Variants in TNFSF13 observed in about 807,000 individuals in gnomAD.
TNFSF13 encodes the protein tumor necrosis factor ligand superfamily member 13.
Under a neutral mutation model 30.7 loss-of-function variants are expected in TNFSF13, and 18 were observed. The ratio of observed to expected loss-of-function variants is 0.59; its 90% CI spans 0.41 to 0.87. TNFSF13 has a LOEUF of 0.87. Among genes scored for constraint, TNFSF13 ranks in the 40% least tolerant of loss-of-function variants. The pLI is 0.00. For missense variants in TNFSF13, 286 were observed against 308.8 expected (o/e 0.93, Z 0.55); for synonymous variants, 116 against 123.2 (o/e 0.94, Z 0.39).
At chr17:7,560,535 GTAGCAGTGCAGGGAGCTACCGC>G in intron 5 of TNFSF13, 47 bp downstream of exon 5, 1 of 1,613,158 alleles carries the variant, frequency 6.2e-7, no homozygotes, top group Non-Finnish European at 8.5e-7. Context: ...CTGACCGGGG[GTAGCAGTGCAGGGAGCTACCGC>G]TAGGAGGGAG....
chr17:7,560,641 C>T (rs1017314937), intron 5 of TNFSF13, 83 bp from the exon 6 acceptor site: 1 of 1,611,842 alleles, frequency 6.2e-7, no homozygotes, highest in South Asian at 1.1e-5. Context: ...GGCAGAGGAA[C>T]GGTGGAGCTG....
At chr17:7,558,648 C>A, upstream of TNFSF13, 1 of 157,182 alleles carries the variant, frequency 6.4e-6, no homozygotes, top group Non-Finnish European at 1.4e-5. The surrounding 1 kb of genome is among the most constrained non-coding windows in gnomAD (Gnocchi z 4.3). Flanking sequence ...AGCTTGGCCC[C>A]CCATCCTGCT....
rs914365082 is a variant in TNFSF13 at position 7,559,521 on chromosome 17, C to A, written c.259-103C>A. ...ACACTCAGGGTGCTGGGAAAAGGTGCGTGAGAGATCTGAGGCATCTCGGGG... is the reference window on the plus strand; with the variant it reads ...ACACTCAGGGTGCTGGGAAAAGGTGAGTGAGAGATCTGAGGCATCTCGGGG... On this transcript the variant is annotated intron_variant, in intron 1 of 5. Transcript: ENST00000338784. The surrounding 1 kb of genome is among the most constrained non-coding windows in gnomAD (Gnocchi z 5.4). 6.1e-6 allele frequency: 9 copies of A among 1,470,048 alleles called. No individual in the cohort carries two copies. Among genetic ancestry groups the A allele is most frequent in the South Asian group, 1.3e-5 (1 of 77,780 alleles). The allele number at this position is 1,470,048 out of a possible 1,614,324, so 91.1% of individuals were successfully genotyped here.
Position 7,559,769 on chromosome 17 carries a change from C to T in TNFSF13, c.337+67C>T. On this transcript the variant is annotated intron_variant, in intron 2 of 5. Coordinates refer to ENST00000338784, the MANE Select transcript of TNFSF13 (RefSeq NM_003808.4). This position sits in a 1 kb window ranked among gnomAD's most constrained non-coding sequence, Gnocchi z 5.4. ...CAGCGTGGGGATTGTAAGCCCGAGT[C>T]AGGGTGAGGGTGGAGGCTGCCAACA... The T allele has an allele frequency of 3.7e-6, 6 of 1,613,844 alleles. No individual in the cohort carries two copies. Among genetic ancestry groups the T allele is most frequent in the Non-Finnish European group, 5.1e-6 (6 of 1,179,896 alleles).
In TNFSF13 at chr17:7,559,705, G is replaced by A; in HGVS notation, c.337+3G>A. ...AGTGCTCACCCAAAAACAGAAGAGT[G>A]AGGCTTCCAGGGTGCAGCAGGGGTG... is the stretch of plus-strand genomic sequence containing the variant. On this transcript the variant is annotated splice_donor_region_variant and intron_variant, in intron 2 of 5. Coordinates refer to ENST00000338784, the MANE Select transcript of TNFSF13 (RefSeq NM_003808.4). This position sits in a 1 kb window ranked among gnomAD's most constrained non-coding sequence, Gnocchi z 5.4. The A allele has an allele frequency of 6.2e-7, 1 of 1,613,886 alleles. No homozygotes were observed. The highest frequency in any genetic ancestry group is 8.5e-7 in the Non-Finnish European group (1 of 1,179,946).
At chr17:7,560,201 G>A (rs1433582556) in intron 4 of TNFSF13, 34 bp downstream of exon 4, 7 of 1,613,380 alleles carry the variant, frequency 4.3e-6, no homozygotes, top group Admixed American at 3.3e-5. Flanking sequence ...TTCACAGAGG[G>A]CCTCTTTGGC....
rs190038454 is a variant in TNFSF13 at position 7,558,812 on chromosome 17, G to A, written c.-228G>A. On this transcript the variant is annotated 5_prime_UTR_variant, in exon 1 of 6. Transcript: ENST00000338784. The surrounding 1 kb of genome is among the most constrained non-coding windows in gnomAD (Gnocchi z 4.3). ...CCTAATTCTCCTGAGGCTGAGGGAG[G>A]GTGGAGGGTCTCAAGGCAACGCTGG... The A allele has an allele frequency of 1.2e-5, 5 of 404,356 alleles. No homozygotes were observed. In the Admixed American group the frequency reaches 1.3e-4, roughly 10 times the overall value. The allele number at this position is 404,356 out of a possible 1,614,324, so 25.0% of individuals were successfully genotyped here. A position where few individuals can be genotyped will look rare whatever the true frequency, so the allele number is the denominator to read the frequency against.
rs2071150977 is a variant in TNFSF13 at position 7,559,885 on chromosome 17, C to T, written c.377C>T (p.Thr126Ile). The T allele has an allele frequency of 1.9e-6, 3 of 1,614,022 alleles. No homozygotes were observed. Among genetic ancestry groups the T allele is most frequent in the Non-Finnish European group, 2.5e-6 (3 of 1,180,036 alleles). Residue 126 changes from threonine (T) to isoleucine (I), a missense_variant, in exon 3 of 6, where the codon ACC becomes ATC. Transcript: ENST00000338784. The surrounding 1 kb of genome is among the most constrained non-coding windows in gnomAD (Gnocchi z 5.4). Reference protein sequence around the residue: ...SVLHLVPINATSKDDSDVTEV... With the variant: ...SVLHLVPINAISKDDSDVTEV... ...CTGCACCTGGTTCCCATTAACGCCA[C>T]CTCCAAGGGTGAGCACTATTTTAAA...
Position 7,559,221 on chromosome 17 carries a change from A to G in TNFSF13, c.182A>G (p.Glu61Gly). The change falls in exon 1 of 6, where the codon GAG becomes GGG. Residue 61 changes from glutamate (E) to glycine (G), a missense_variant. Physicochemically the swap from Glu to Gly is moderately conservative, Grantham distance 98 (BLOSUM62 -2). Coordinates refer to ENST00000338784, the MANE Select transcript of TNFSF13 (RefSeq NM_003808.4). The surrounding 1 kb of genome is among the most constrained non-coding windows in gnomAD (Gnocchi z 5.4). ...ACAGAGCTGCAGAGCCTCAGGAGAG[A>G]GGTGAGCCGGCTGCAGGGGACAGGA... is the stretch of plus-strand genomic sequence containing the variant. ...QQTELQSLRREVSRLQGTGGP... is the reference protein window; with the variant it reads ...QQTELQSLRRGVSRLQGTGGP... 1 of 1,611,418 alleles carries G rather than the reference A, an allele frequency of 6.2e-7. No homozygotes were observed. The highest frequency in any genetic ancestry group is 8.5e-7 in the Non-Finnish European group (1 of 1,179,572).
In TNFSF13 at chr17:7,560,183, C is replaced by T; in HGVS notation, c.504+16C>T. On this transcript the variant is annotated intron_variant, in intron 4 of 5. Coordinates refer to ENST00000338784, the MANE Select transcript of TNFSF13 (RefSeq NM_003808.4). The stretch of plus-strand genomic sequence containing the variant: ...GTATAGCCAGGTAACCCCAGCCACA[C>T]TCTGAGCTTCACAGAGGGCCTCTTT... 1.9e-6 allele frequency: 3 copies of T among 1,613,926 alleles called. No individual in the cohort carries two copies. The highest frequency in any genetic ancestry group is 2.5e-6 in the Non-Finnish European group (3 of 1,179,936).
chr17:7,558,459 G>C (rs994425781), upstream of TNFSF13: 1 of 152,124 alleles, frequency 6.6e-6, no homozygotes, highest in African/African-American at 2.4e-5. The surrounding 1 kb of genome is among the most constrained non-coding windows in gnomAD (Gnocchi z 4.3). Flanking sequence ...CAACACACCC[G>C]GCCCAGCCTT....
chr17:7,560,227 C>G, intron 4 of TNFSF13, 60 bp downstream of exon 4: 1 of 1,612,210 alleles, frequency 6.2e-7, no homozygotes, highest in Admixed American at 1.7e-5. Context: ...ACTGAGGGTT[C>G]CTGACCCCTC....
chr17:7,559,276 C>G lies in TNFSF13; in HGVS notation c.237C>G (p.Pro79=), dbSNP rs753077240. 6.2e-7 allele frequency: 1 copy of G among 1,606,484 alleles called. No homozygotes were observed. The highest frequency in any genetic ancestry group is 1.7e-5 in the Admixed American group (1 of 59,376). The change falls in exon 1 of 6, where the codon CCC becomes CCG. Residue 79 remains proline (P), a synonymous_variant. Transcript: ENST00000338784. The surrounding 1 kb of genome is among the most constrained non-coding windows in gnomAD (Gnocchi z 5.4). ...CCTCCCAGAATGGGGAAGGGTATCC[C>G]TGGCAGAGTCTCCCGGAGCAGGTGA... ...GGPSQNGEGY[P]WQSLPEQSSD...
chr17:7,560,390 T>C lies in TNFSF13; in HGVS notation c.545T>C (p.Val182Ala). Residue 182 changes from valine (V) to alanine (A), a missense_variant, in exon 5 of 6, where the codon GTG becomes GCG. Transcript: ENST00000338784. ...QDVTFTMGQV[V>A]SREGQGRQET... is the part of the protein sequence containing the mutation. ...GTGACTTTCACCATGGGTCAGGTGG[T>C]GTCTCGAGAAGGCCAAGGAAGGCAG... The C allele has an allele frequency of 6.2e-7, 1 of 1,614,182 alleles. No individual in the cohort carries two copies. The highest frequency in any genetic ancestry group is 8.5e-7 in the Non-Finnish European group (1 of 1,180,038).
Position 7,558,970 on chromosome 17 carries a change from C to A in TNFSF13, c.-70C>A. 1 of 1,476,730 alleles carries A rather than the reference C, an allele frequency of 6.8e-7. No homozygotes were observed. Among genetic ancestry groups the A allele is most frequent in the South Asian group, 1.4e-5 (1 of 70,330 alleles). The allele number at this position is 1,476,730 out of a possible 1,614,324, so 91.5% of individuals were successfully genotyped here. ...TTCCCTTCTGCACCACTGCCCGTAC[C>A]CTTACCCGCCCCGCCACCTCCTTGC... is the stretch of plus-strand genomic sequence containing the variant. On this transcript the variant is annotated 5_prime_UTR_variant, in exon 1 of 6. Coordinates refer to ENST00000338784, the MANE Select transcript of TNFSF13 (RefSeq NM_003808.4). This position sits in a 1 kb window ranked among gnomAD's most constrained non-coding sequence, Gnocchi z 4.3.
Position 7,559,772 on chromosome 17 carries a change from G to C in TNFSF13, c.337+70G>C, listed in dbSNP as rs2071146524. On this transcript the variant is annotated intron_variant, in intron 2 of 5. Transcript: ENST00000338784. The surrounding 1 kb of genome is among the most constrained non-coding windows in gnomAD (Gnocchi z 5.4). Reference sequence around the variant, plus strand: ...CGTGGGGATTGTAAGCCCGAGTCAGGGTGAGGGTGGAGGCTGCCAACAGCA... The same window carrying C: ...CGTGGGGATTGTAAGCCCGAGTCAGCGTGAGGGTGGAGGCTGCCAACAGCA... 1 of 1,613,878 alleles carries C rather than the reference G, an allele frequency of 6.2e-7. No homozygotes were observed. The highest frequency in any genetic ancestry group is 8.5e-7 in the Non-Finnish European group (1 of 1,179,964).
intron 5 of TNFSF13, 116 bp downstream of exon 5, chr17:7,560,604 A>T: frequency 6.2e-7 from 1 of 1,609,544 alleles, no homozygotes; most frequent in Non-Finnish European, 8.5e-7. Flanking sequence ...TGAGGAGTGA[A>T]GTGCAGAATG....
Position 7,559,935 on chromosome 17 carries a change from A to G in TNFSF13, c.385+42A>G. The G allele has an allele frequency of 5.0e-6, 8 of 1,613,996 alleles. No homozygotes were observed. The highest frequency in any genetic ancestry group is 5.9e-6 in the Non-Finnish European group (7 of 1,179,990). Reference sequence around the variant, plus strand: ...ATAATGGCTTTGGGGAGGGGCAATAACCAGGAACTCGGGCTGGCACTTGGG... The same window carrying G: ...ATAATGGCTTTGGGGAGGGGCAATAGCCAGGAACTCGGGCTGGCACTTGGG... On this transcript the variant is annotated intron_variant, in intron 3 of 5. Coordinates refer to ENST00000338784, the MANE Select transcript of TNFSF13 (RefSeq NM_003808.4). This position sits in a 1 kb window ranked among gnomAD's most constrained non-coding sequence, Gnocchi z 5.4.
rs1425901369 is a variant in TNFSF13 at position 7,560,430 on chromosome 17, A to T, written c.585A>T (p.Arg195=). Residue 195 remains arginine, a synonymous_variant, in exon 5 of 6, where the codon CGA becomes CGT. Coordinates refer to ENST00000338784, the MANE Select transcript of TNFSF13 (RefSeq NM_003808.4). ...AAGGAAGGCAGGAGACTCTATTCCG[A>T]TGTATAAGAAGTATGCCCTCCCACC... ...EGQGRQETLF[R]CIRSMPSHPD... is the part of the protein sequence containing the mutation. 6.2e-7 allele frequency: 1 copy of T among 1,614,002 alleles called. No homozygotes were observed. The highest frequency in any genetic ancestry group is 1.1e-5 in the South Asian group (1 of 91,070).
Sources: allele counts gnomAD v4.1 joint callset, GRCh38; gene constraint gnomAD v4.1.1; non-coding constraint Gnocchi (gnomAD v3.1); transcripts MANE v1.5; gene names NCBI Gene and HGNC (gene_info 2026-07-23, HGNC 2026-07-21).